SENP1: variants seen among roughly 807,000 people sequenced by gnomAD.
The protein encoded by SENP1 is sentrin-specific protease 1.
Under a neutral mutation model 93.0 loss-of-function variants are expected in SENP1, and 21 were observed. That is an observed-to-expected ratio of 0.23 (90% CI 0.16 to 0.33). The LOEUF (loss-of-function observed/expected upper bound fraction) is 0.33, where lower values mean the gene tolerates loss of function less well. Among genes scored for constraint, SENP1 ranks in the 10% least tolerant of loss-of-function variants. The pLI, the probability that SENP1 is intolerant of heterozygous loss-of-function variation, is 1.00. For missense variants in SENP1, 591 were observed against 758.7 expected (o/e 0.78, Z 2.60); for synonymous variants, 256 against 259.6 (o/e 0.99, Z 0.13).
At position 48,101,536 on chromosome 12, in the gene SENP1, AC is replaced by A. The variant is rs769776896; in HGVS notation, c.-44-21del. On this transcript the variant is annotated intron_variant, in intron 1 of 17. Transcript: ENST00000549518. ...AAAGTCCTATAAAAGAAGACACAAA[AC>A]AGAAAAATTACATACTGAAACACCT... is the stretch of plus-strand genomic sequence containing the variant. 1 of 1,381,938 alleles carries A rather than the reference AC, an allele frequency of 7.2e-7. No individual in the cohort carries two copies. Among genetic ancestry groups the A allele is most frequent in the Non-Finnish European group, 1.0e-6 (1 of 986,176 alleles). 85.6% of individuals were successfully genotyped at this position (1,381,938 alleles called of 1,614,324 possible). A position where few individuals can be genotyped will look rare whatever the true frequency, so the allele number is the denominator to read the frequency against.
In SENP1 at chr12:48,074,513, A is replaced by T; in HGVS notation, c.751T>A (p.Ser251Thr). Residue 251 changes from serine to threonine, a missense_variant, in exon 8 of 18, where the codon TCA becomes ACA. Ser to Thr is a moderately conservative substitution (Grantham distance 58, BLOSUM62 1). Around this residue, in one of 4 missense-constraint regions of SENP1, gnomAD observed 238 missense variants for 259.1 expected, o/e 0.92. Coordinates refer to ENST00000549518, the MANE Select transcript of SENP1 (RefSeq NM_001267594.2). ...AAAATGCTGGCAGATCCAGATGATG[A>T]AGTATCAGAGCCAATGATCTGAGAT... ...CASQIIGSDTSSSGSASILTN... is the reference protein window; with the variant it reads ...CASQIIGSDTTSSGSASILTN... 6.2e-7 allele frequency: 1 copy of T among 1,613,944 alleles called. No individual in the cohort carries two copies. The highest frequency in any genetic ancestry group is 8.5e-7 in the Non-Finnish European group (1 of 1,179,826).
At chr12:48,059,040 T>C (rs960517590) in intron 13 of SENP1, among the ~76,000 whole-genome samples, 1 of 152,218 alleles carries the variant, frequency 6.6e-6, no homozygotes, top group African/African-American at 2.4e-5. Context: ...TCGTTGCACT[T>C]AATATTTTTA....
At position 48,074,431 on chromosome 12, in the gene SENP1, T is replaced by C. The variant is rs1366164399; in HGVS notation, c.833A>G (p.Asp278Gly). The C allele has an allele frequency of 2.5e-6, 4 of 1,613,820 alleles. No individual in the cohort carries two copies. In the Admixed American group the frequency reaches 5.0e-5, roughly 20 times the overall value. ...AGAATCTTTGGATCCAAATGCAACA[T>C]CTGGGGTATAAGAAGATAGGGAATA... The part of the protein sequence containing the change: ...SVYSLSSYTP[D>G]VAFGSKDSGT... Residue 278 changes from aspartate (D) to glycine (G), a missense_variant, in exon 8 of 18, where the codon GAT (aspartate) becomes GGT (glycine). Physicochemically the swap from Asp to Gly is moderately conservative, Grantham distance 94. Coordinates refer to ENST00000549518, the MANE Select transcript of SENP1 (RefSeq NM_001267594.2).
intron 1 of SENP1, chr12:48,105,614 A>G: frequency 2.2e-6 from 1 of 453,194 alleles, no homozygotes; most frequent in Non-Finnish European, 4.3e-6. Context: ...CGGGAGATGA[A>G]GCCGGTACCA....
chr12:48,078,314 ATT>A (rs1248167054), intron 6 of SENP1, among the ~76,000 whole-genome samples: 3 of 15,144 alleles, frequency 2.0e-4, no homozygotes, highest in Admixed American at 2.0e-3. Flanking sequence ...AGTCTGTAGG[ATT>A]TTATATATAT....
At chr12:48,093,873 G>C (rs1012747898) in intron 4 of SENP1, among the ~76,000 whole-genome samples, 4 of 152,146 alleles carry the variant, frequency 2.6e-5, no homozygotes, top group Non-Finnish European at 4.4e-5. Context: ...GGCTGAGGTG[G>C]GAGGATCACA....
At chr12:48,067,790 T>C (rs1242153184) in intron 9 of SENP1, among the ~76,000 whole-genome samples, 2 of 151,500 alleles carry the variant, frequency 1.3e-5, no homozygotes, top group African/African-American at 2.4e-5. Context: ...CTGGGCAACA[T>C]AGTGAGATTC....
intron 3 of SENP1, 191 bp downstream of exon 3, chr12:48,097,803 A>T: frequency 2.0e-6 from 1 of 490,752 alleles, no homozygotes; most frequent in Non-Finnish European, 3.6e-6. Flanking sequence ...ACTCATACAT[A>T]GCCTATTTTG....
intron 15 of SENP1, 63 bp downstream of exon 15, chr12:48,047,938 A>G: frequency 9.5e-7 from 1 of 1,054,476 alleles, no homozygotes; most frequent in South Asian, 1.3e-5. Context: ...ACTGAGTTCA[A>G]TTACTGGAAA....
chr12:48,096,488 T>G (rs1433726643), intron 3 of SENP1, 61 bp from the exon 4 acceptor site: 1 of 1,039,126 alleles, frequency 9.6e-7, no homozygotes, highest in African/African-American at 1.6e-5. Context: ...ACAGTCTCAC[T>G]CTTGTTGCCC....
intron 5 of SENP1, chr12:48,085,009 G>A (rs1276754821): frequency 2.3e-6 from 2 of 866,350 alleles, no homozygotes; most frequent in African/African-American, 1.7e-5. Flanking sequence ...TTAAGAATGG[G>A]GAAATGAGAG....
chr12:48,090,304 T>G (rs1945137680), intron 4 of SENP1, among the ~76,000 whole-genome samples: 1 of 152,198 alleles, frequency 6.6e-6, no homozygotes, highest in African/African-American at 2.4e-5. Flanking sequence ...TGGCTAAAAT[T>G]TGATTAGGGC....
chr12:48,090,859 A>C (rs938123358), intron 4 of SENP1, among the ~76,000 whole-genome samples: 1 of 152,094 alleles, frequency 6.6e-6, no homozygotes, highest in Non-Finnish European at 1.5e-5. Context: ...GGGTCTCCCA[A>C]CGGCAAAGTA....
intron 1 of SENP1, 95 bp downstream of exon 1, chr12:48,105,933 A>T (rs1946531446): frequency 1.2e-5 from 8 of 678,820 alleles, no homozygotes; most frequent in Non-Finnish European, 2.2e-5. Context: ...GCTTCCGCCC[A>T]GTCCAGCCCG....
intron 6 of SENP1, among the ~76,000 whole-genome samples, chr12:48,075,661 G>C (rs1369486736): frequency 6.6e-6 from 1 of 152,088 alleles, no homozygotes; most frequent in Non-Finnish European, 1.5e-5. Context: ...TCATTGACAT[G>C]AACACCTACT....
At chr12:48,102,104 C>T (rs1487736033) in intron 1 of SENP1, among the ~76,000 whole-genome samples, 2 of 152,190 alleles carry the variant, frequency 1.3e-5, no homozygotes, top group Non-Finnish European at 2.9e-5. Context: ...GATGTATCCA[C>T]TTTTTCCACA....
rs751030434 is a variant in SENP1, at chr12:48,098,009, C to T, written c.120G>A (p.Ser40=). 1.8e-5 allele frequency: 29 copies of T among 1,613,336 alleles called. No homozygotes were observed. In the South Asian group the frequency reaches 2.0e-4, roughly 11 times the overall value. Residue 40 remains serine (S), a synonymous_variant, in exon 3 of 18, where the codon TCG becomes TCA. Coordinates refer to ENST00000549518, the MANE Select transcript of SENP1 (RefSeq NM_001267594.2). Reference sequence around the variant, plus strand: ...TGCTCCTAACCTGCTGGTCAGAAAGCGAAAGCTGGTCCTCTGGAAAACCTG... The same window carrying T: ...TGCTCCTAACCTGCTGGTCAGAAAGTGAAAGCTGGTCCTCTGGAAAACCTG... The part of the protein sequence containing the change: ...PQTGFPEDQL[S]LSDQQILSSR...
intron 6 of SENP1, among the ~76,000 whole-genome samples, chr12:48,078,334 T>TATATATATATATATATATACAC: frequency 6.5e-4 from 44 of 67,904 alleles, no homozygotes; most frequent in African/African-American, 1.7e-3. Context: ...TATATATATA[T>TATATATATATATATATATACAC]ACACACACAT....
At chr12:48,072,726 TTGTTA>T (rs971471725) in intron 8 of SENP1, among the ~76,000 whole-genome samples, 8 of 152,236 alleles carry the variant, frequency 5.3e-5, no homozygotes, top group African/African-American at 1.9e-4. Flanking sequence ...TTACAGTATA[TTGTTA>T]TAATTTTTGT....
Sources: allele counts gnomAD v4.1 joint callset (sites outside exome capture counted in the v4.1 genomes callset), GRCh38; gene constraint gnomAD v4.1.1; regional missense constraint gnomAD v4.1.1; transcripts MANE v1.5; gene names NCBI Gene and HGNC (gene_info 2026-07-23, HGNC 2026-07-21).